MYO7A: variants seen among roughly 807,000 people sequenced by gnomAD.
MYO7A encodes the protein myosin VIIA.
A neutral mutation model predicts 263.8 loss-of-function variants in MYO7A; 210 were observed. The observed-to-expected ratio is 0.80, with a 90% CI of 0.71 to 0.89. The LOEUF (loss-of-function observed/expected upper bound fraction) is 0.89, where lower values mean the gene tolerates loss of function less well. MYO7A is among the 40% of genes least tolerant of loss of function. MYO7A has a pLI of 0.00. For synonymous variants in MYO7A, 1,239 were observed against 1,197.3 expected (o/e 1.03, Z -0.72); for missense variants, 2,820 against 2,968.3 (o/e 0.95, Z 1.16).
At chr11:77,168,019 G>A (rs1555073780) in intron 15 of MYO7A, among the ~76,000 whole-genome samples, 1 of 152,162 alleles carries the variant, frequency 6.6e-6, no homozygotes, top group African/African-American at 2.4e-5. Context: ...TAAGGTGGCT[G>A]TACTGCTGAG....
intron 20 of MYO7A, among the ~76,000 whole-genome samples, chr11:77,179,348 G>T (rs527427824): frequency 6.6e-6 from 1 of 152,342 alleles, no homozygotes; most frequent in South Asian, 2.1e-4. Flanking sequence ...TCTCCTTCTG[G>T]AGTGTTTTTG....
intron 11 of MYO7A, among the ~76,000 whole-genome samples, chr11:77,160,519 T>C (rs1209680855): frequency 6.6e-6 from 1 of 152,152 alleles, no homozygotes; most frequent in Non-Finnish European, 1.5e-5. Flanking sequence ...GCCATGTTGT[T>C]CCCAGCCCAG....
At position 77,142,783 on chromosome 11, in the gene MYO7A, C is replaced by G; in HGVS notation, c.93C>G (p.Cys31Trp). 11 of 1,610,838 alleles carry G rather than the reference C, an allele frequency of 6.8e-6. No homozygotes were observed. Among genetic ancestry groups the G allele is most frequent in the Non-Finnish European group, 9.3e-6 (11 of 1,178,806 alleles). Residue 31 changes from cysteine (C) to tryptophan (W), a missense_variant, in exon 3 of 49, where the codon TGC becomes TGG. Cys to Trp is a radical substitution (Grantham distance 215). Coordinates refer to ENST00000409709, the MANE Select transcript of MYO7A (RefSeq NM_000260.4). The part of the protein sequence containing the change: ...DVPIGAVVKL[C>W]DSGQVQVVDD... ...CCATCGGGGCGGTGGTGAAGCTCTG[C>G]GACTCTGGGCAGGTCCAGGTGGTGG...
intron 2 of MYO7A, among the ~76,000 whole-genome samples, chr11:77,135,322 CTTTT>C (rs1424991065): frequency 1.3e-5 from 2 of 152,154 alleles, no homozygotes; most frequent in African/African-American, 4.8e-5. Context: ...CACTATTTGT[CTTTT>C]TGTGATGGCT....
At chr11:77,133,502 C>A (rs1253857505) in intron 2 of MYO7A, among the ~76,000 whole-genome samples, 3 of 152,188 alleles carry the variant, frequency 2.0e-5, no homozygotes, top group African/African-American at 7.2e-5. Context: ...TTTGACTTAA[C>A]ATCTATGTCT....
Position 77,162,208 on chromosome 11 carries a change from G to A in MYO7A, c.1432G>A (p.Asp478Asn), listed in dbSNP as rs1040328200. 6.3e-7 allele frequency: 1 copy of A among 1,590,438 alleles called. No homozygotes were observed. ...GTTCAAGCTGGAGCAGGAGGAATATGACCTGGAGAGCATTGACTGGCTGCA... is the reference window on the plus strand; with the variant it reads ...GTTCAAGCTGGAGCAGGAGGAATATAACCTGGAGAGCATTGACTGGCTGCA... Reference protein sequence around the residue: ...HVFKLEQEEYDLESIDWLHIE... With the variant: ...HVFKLEQEEYNLESIDWLHIE... The change falls in exon 13 of 49, where the codon GAC (aspartate) becomes AAC (asparagine). Residue 478 changes from aspartate to asparagine, a missense_variant. Transcript: ENST00000409709.
At chr11:77,193,131 A>ATGGTGT (rs1161102366) in intron 31 of MYO7A, among the ~76,000 whole-genome samples, 1 of 75,224 alleles carries the variant, frequency 1.3e-5, no homozygotes, top group Non-Finnish European at 2.7e-5. Flanking sequence ...GGAGGTAGCG[A>ATGGTGT]TGCTGTTGGT....
intron 13 of MYO7A, 86 bp from the exon 14 acceptor site, chr11:77,162,767 G>C (rs1340851156): frequency 3.9e-6 from 6 of 1,527,636 alleles, no homozygotes; most frequent in Non-Finnish European, 5.3e-6. Context: ...TCCTGAAGAA[G>C]AGACAGGGGG....
At chr11:77,142,570 T>A (rs1555051253) in intron 2 of MYO7A, 139 bp from the exon 3 acceptor site, 1 of 748,378 alleles carries the variant, frequency 1.3e-6, no homozygotes, top group Admixed American at 2.0e-5. Context: ...AGGTTGCTAG[T>A]AAGTGTGAGT....
Position 77,211,742 on chromosome 11 carries a change from C to T in MYO7A, c.6238-79C>T, listed in dbSNP as rs748560814. ...GTGGGCAGGGGTGGTGTGGGGAGGA[C>T]TCTGAGCTCTGAGCTGGCCTGCCCT... On this transcript the variant is annotated intron_variant, in intron 45 of 48. Coordinates refer to ENST00000409709, the MANE Select transcript of MYO7A (RefSeq NM_000260.4). The T allele has an allele frequency of 8.0e-6, 9 of 1,125,714 alleles. No homozygotes were observed. The South Asian group carries it at 8.9e-5, about 11-fold the overall frequency. 69.7% of individuals were successfully genotyped at this position (1,125,714 alleles called of 1,614,324 possible).
At chr11:77,145,450 G>A (rs1368578433) in intron 3 of MYO7A, among the ~76,000 whole-genome samples, 1 of 152,184 alleles carries the variant, frequency 6.6e-6, no homozygotes, top group Non-Finnish European at 1.5e-5. Context: ...CTGTCAACCT[G>A]TGTGCTGAAC....
intron 40 of MYO7A, among the ~76,000 whole-genome samples, 193 bp downstream of exon 40, chr11:77,205,810 GGA>G (rs1269342132): frequency 6.6e-6 from 1 of 152,136 alleles, no homozygotes; most frequent in Non-Finnish European, 1.5e-5. Flanking sequence ...CGGCTGCTCG[GGA>G]GTGCTCAGCC....
At chr11:77,195,223 T>C (rs956447024) in intron 32 of MYO7A, among the ~76,000 whole-genome samples, 2 of 152,118 alleles carry the variant, frequency 1.3e-5, no homozygotes, top group Non-Finnish European at 2.9e-5. Flanking sequence ...ACCGTGTGCC[T>C]TCTCTGGTCA....
chr11:77,154,467 G>C (rs1952251272), intron 4 of MYO7A, among the ~76,000 whole-genome samples: 1 of 152,216 alleles, frequency 6.6e-6, no homozygotes. Flanking sequence ...TGTAGCCCCT[G>C]TTCCCCACTG....
chr11:77,202,492 C>T (rs1049794316), intron 37 of MYO7A, 68 bp downstream of exon 37: 1 of 1,516,128 alleles, frequency 6.6e-7, no homozygotes, highest in East Asian at 2.5e-5. Context: ...ACTGTCTGGT[C>T]GTGTGCTGGG....
rs1555084364 is a variant in MYO7A, at chr11:77,181,593, C to G, written c.2904+4C>G. On this transcript the variant is annotated splice_donor_region_variant and intron_variant, in intron 23 of 48. Transcript: ENST00000409709. ...CCAGGCACCTAGTGGCTTTGAGGTA[C>G]CAGGCTAGGGACAGGGGCTCCAGAG... 1 of 1,612,324 alleles carries G rather than the reference C, an allele frequency of 6.2e-7. No individual in the cohort carries two copies. Among genetic ancestry groups the G allele is most frequent in the Non-Finnish European group, 8.5e-7 (1 of 1,179,554 alleles).
intron 46 of MYO7A, chr11:77,212,682 C>T (rs984948604): frequency 1.9e-6 from 1 of 530,784 alleles, no homozygotes; most frequent in Non-Finnish European, 3.4e-6. Flanking sequence ...GAGGCAGGTG[C>T]AGGGTCCAGG....
chr11:77,197,060 C>T (rs900479342), intron 32 of MYO7A, among the ~76,000 whole-genome samples: 2 of 152,176 alleles, frequency 1.3e-5, no homozygotes, highest in Non-Finnish European at 2.9e-5. Context: ...CCCCCAGGAC[C>T]TGGCTCCGCA....
Position 77,193,998 on chromosome 11 carries a change from C to G in MYO7A, c.4153-356C>G, listed in dbSNP as rs528720841. On this transcript the variant is annotated intron_variant, in intron 31 of 48. Coordinates refer to ENST00000409709, the MANE Select transcript of MYO7A (RefSeq NM_000260.4). ...TTCTCCAGGGCAGACACTTCCTCTT[C>G]TGCTGTTTGTCAGCTCTGGTCGCTG... 4.8e-5 allele frequency: 24 copies of G among 498,904 alleles called. 1 individual carries two copies. The highest frequency in any genetic ancestry group is 1.9e-4 in the African/African-American group (10 of 52,008). 30.9% of individuals were successfully genotyped at this position (498,904 alleles called of 1,614,324 possible). A position where few individuals can be genotyped will look rare whatever the true frequency, so the allele number is the denominator to read the frequency against.
Sources: allele counts gnomAD v4.1 joint callset (sites outside exome capture counted in the v4.1 genomes callset), GRCh38; gene constraint gnomAD v4.1.1; transcripts MANE v1.5; gene names NCBI Gene and HGNC (gene_info 2026-07-23, HGNC 2026-07-21).